Variants in MCPH1 observed in about 807,000 individuals in gnomAD.
MCPH1 encodes the protein microcephalin 1, also known as microcephalin.
A neutral mutation model predicts 84.5 loss-of-function variants in MCPH1; 104 were observed. That is an observed-to-expected ratio of 1.23 (90% CI 1.05 to 1.45). MCPH1 has a LOEUF of 1.45. Ranked by LOEUF, MCPH1 falls within the 40% of genes most tolerant of loss-of-function variation. The pLI is 0.00. For missense variants in MCPH1, 1,498 were observed against 1,005.7 expected (o/e 1.49, Z -6.62); for synonymous variants, 514 against 366.8 (o/e 1.40, Z -4.58).
At chr8:6,512,457 C>T (rs1212188308) in intron 12 of MCPH1, among the ~76,000 whole-genome samples, 1 of 152,120 alleles carries the variant, frequency 6.6e-6, no homozygotes, top group Admixed American at 6.6e-5. Flanking sequence ...TCGTGTTGAC[C>T]TTCATTTGCT....
chr8:6,590,633 C>T (rs1828383428), intron 12 of MCPH1, among the ~76,000 whole-genome samples: 1 of 152,148 alleles, frequency 6.6e-6, no homozygotes, highest in Admixed American at 6.5e-5. Flanking sequence ...TTGTCACAAG[C>T]AATAGCTTAA....
intron 9 of MCPH1, among the ~76,000 whole-genome samples, chr8:6,463,675 G>GC (rs1320655881): frequency 6.6e-6 from 1 of 152,158 alleles, no homozygotes; most frequent in Non-Finnish European, 1.5e-5. Flanking sequence ...AAAGAGAGCT[G>GC]CAGGGACACA....
chr8:6,464,582 A>C (rs1396727604), intron 9 of MCPH1, among the ~76,000 whole-genome samples: 2 of 152,196 alleles, frequency 1.3e-5, no homozygotes, highest in African/African-American at 4.8e-5. Context: ...GCCAGGGTGG[A>C]TCTCCTGTGC....
chr8:6,566,244 T>C (rs897701612), intron 12 of MCPH1, among the ~76,000 whole-genome samples: 8 of 152,260 alleles, frequency 5.3e-5, no homozygotes, highest in Non-Finnish European at 1.2e-4. Flanking sequence ...AAACCGGGCC[T>C]GGACTGTAGC....
intron 12 of MCPH1, chr8:6,562,632 G>A (rs181305415): frequency 1.4e-5 from 18 of 1,312,442 alleles, no homozygotes; most frequent in Admixed American, 1.0e-4. Context: ...AAAGACAGAT[G>A]GATTTTTTTC....
intron 12 of MCPH1, among the ~76,000 whole-genome samples, chr8:6,545,421 A>G (rs556961967): frequency 1.2e-4 from 18 of 152,216 alleles, no homozygotes; most frequent in Non-Finnish European, 2.1e-4. Context: ...TTGTGACACT[A>G]TGACCCTAGT....
intron 9 of MCPH1, among the ~76,000 whole-genome samples, chr8:6,476,351 C>T (rs1385086479): frequency 1.3e-5 from 2 of 150,994 alleles, no homozygotes; most frequent in African/African-American, 2.4e-5. Flanking sequence ...ATTGCTTGAA[C>T]CCGGGAGATG....
chr8:6,458,430 C>G (rs1438595148), intron 9 of MCPH1, among the ~76,000 whole-genome samples: 1 of 149,690 alleles, frequency 6.7e-6, no homozygotes, highest in Non-Finnish European at 1.5e-5. Flanking sequence ...TGAGATCGTG[C>G]CACTGCATTC....
At chr8:6,434,002 C>T (rs533012512) in intron 4 of MCPH1, among the ~76,000 whole-genome samples, 1 of 152,110 alleles carries the variant, frequency 6.6e-6, no homozygotes, top group Non-Finnish European at 1.5e-5. Context: ...AATCCTTACA[C>T]ATGACCCGTT....
chr8:6,423,495 T>C (rs912604791), intron 3 of MCPH1, among the ~76,000 whole-genome samples: 8 of 152,182 alleles, frequency 5.3e-5, no homozygotes, highest in Non-Finnish European at 1.0e-4. Context: ...TTATTACAGG[T>C]CATTTTTTTG....
At chr8:6,575,014 C>T (rs1269751346) in intron 12 of MCPH1, among the ~76,000 whole-genome samples, 1 of 152,184 alleles carries the variant, frequency 6.6e-6, no homozygotes, top group East Asian at 1.9e-4. Flanking sequence ...AGTTTCTGGC[C>T]TGGCAGCTGC....
At chr8:6,446,867 C>G (rs1052353012) in intron 8 of MCPH1, 3 of 984,954 alleles carry the variant, frequency 3.0e-6, no homozygotes, top group African/African-American at 1.8e-5. Context: ...GTGTTATGTT[C>G]TAGAACACTG....
rs1427099165 is a variant in MCPH1, at chr8:6,480,858, G to C, written c.2118G>C (p.Trp706Cys). The change falls in exon 11 of 14, where the codon TGG (tryptophan) becomes TGC (cysteine). Residue 706 changes from tryptophan to cysteine, a missense_variant. Transcript: ENST00000344683. ...TGCTGGGAATTGCGCGTGGCTGCTGGGTTCTCTCTTATGATTGGGTAAGCC... is the reference window on the plus strand; with the variant it reads ...TGCTGGGAATTGCGCGTGGCTGCTGCGTTCTCTCTTATGATTGGGTAAGCC... ...NVLLGIARGC[W>C]VLSYDWVLWS... 6.8e-6 allele frequency: 11 copies of C among 1,614,124 alleles called. No homozygotes were observed. Among genetic ancestry groups the C allele is most frequent in the African/African-American group, 1.3e-5 (1 of 75,042 alleles).
chr8:6,565,815 G>A (rs769251431), intron 12 of MCPH1, among the ~76,000 whole-genome samples: 2 of 152,224 alleles, frequency 1.3e-5, no homozygotes, highest in African/African-American at 4.8e-5. Context: ...AAGAAAGACA[G>A]TGATGCTTCC....
chr8:6,477,452 GT>G, intron 9 of MCPH1, 141 bp from the exon 10 acceptor site: 2 of 708,258 alleles, frequency 2.8e-6, no homozygotes, highest in South Asian at 1.8e-5. Context: ...GAATATAAAG[GT>G]TTTTTTTCTT....
intron 6 of MCPH1, 56 bp from the exon 7 acceptor site, chr8:6,442,011 A>C (rs2053618): frequency 3.2e-6 from 4 of 1,240,022 alleles, no homozygotes; most frequent in Admixed American, 1.7e-5. Flanking sequence ...TGCTGGCTTC[A>C]TCTGCTAAGA....
chr8:6,458,226 G>A (rs2920666), intron 9 of MCPH1, among the ~76,000 whole-genome samples: 41,281 of 151,874 alleles, frequency 0.27, 7,365 homozygotes, highest in African/African-American at 0.51. Flanking sequence ...TAATCCCAGC[G>A]CTTTGGGAGG....
intron 1 of MCPH1, chr8:6,407,173 G>C (rs949876682): frequency 4.7e-6 from 1 of 214,270 alleles, no homozygotes; most frequent in Non-Finnish European, 9.5e-6. Flanking sequence ...GGCCCTCCTG[G>C]GTCTGGTCCT....
Position 6,621,538 on chromosome 8 carries a change from G to T in MCPH1, c.2299G>T (p.Ala767Ser), listed in dbSNP as rs755558734. Reference sequence around the variant, plus strand: ...CCAGCCAGCGATGTTTGTCTCGCCTGCCAGCAGCCCCCCAGTGGCCAAGCT... The same window carrying T: ...CCAGCCAGCGATGTTTGTCTCGCCTTCCAGCAGCCCCCCAGTGGCCAAGCT... ...ADQPAMFVSPASSPPVAKLCE... is the reference protein window; with the variant it reads ...ADQPAMFVSPSSSPPVAKLCE... Residue 767 changes from alanine (A) to serine (S), a missense_variant, in exon 13 of 14, where the codon GCC becomes TCC. Transcript: ENST00000344683. 8 of 1,614,180 alleles carry T rather than the reference G, an allele frequency of 5.0e-6. No homozygotes were observed. The highest frequency in any genetic ancestry group is 6.8e-6 in the Non-Finnish European group (8 of 1,180,032).
Sources: gnomAD v4.1 joint callset for allele counts (sites outside exome capture counted in the v4.1 genomes callset) on GRCh38, gnomAD v4.1.1 for gene constraint, MANE v1.5 for transcripts, NCBI Gene and HGNC (gene_info 2026-07-23, HGNC 2026-07-21) for gene names.